GNB5: variants seen among roughly 807,000 people sequenced by gnomAD.
The protein encoded by GNB5 is guanine nucleotide-binding protein subunit beta-5.
GNB5 carries 37 observed loss-of-function variants against 55.3 expected under a neutral mutation model. The observed-to-expected ratio is 0.67, with a 90% CI of 0.51 to 0.88. GNB5 has a LOEUF of 0.88. Ranked by LOEUF, GNB5 falls within the 40% of genes least tolerant of loss-of-function variation. The pLI, the probability that GNB5 is intolerant of heterozygous loss-of-function variation, is 0.00. For missense variants in GNB5, 476 were observed against 515.3 expected (o/e 0.92, Z 0.74); for synonymous variants, 219 against 198.5 (o/e 1.10, Z -0.87).
chr15:52,126,504 T>C (rs2033435078), intron 10 of GNB5, among the ~76,000 whole-genome samples: 1 of 152,232 alleles, frequency 6.6e-6, no homozygotes, highest in Non-Finnish European at 1.5e-5. Flanking sequence ...CATTATTGCT[T>C]TTATTAACAT....
chr15:52,144,006 G>C (rs1449124475), intron 6 of GNB5: 6 of 152,246 alleles, frequency 3.9e-5, no homozygotes, highest in African/African-American at 1.4e-4. Flanking sequence ...CAGTGAGGCA[G>C]CCAGGAAAGG....
rs1020790484 is a variant in GNB5, at chr15:52,120,603, C to A, written c.*2154G>T. 6.7e-6 allele frequency: 1 copy of A among 149,062 alleles called. No individual in the cohort carries two copies. The highest frequency in any genetic ancestry group is 1.5e-5 in the Non-Finnish European group (1 of 67,826). 9.2% of individuals were successfully genotyped at this position (149,062 alleles called of 1,614,324 possible). A position where few individuals can be genotyped will look rare whatever the true frequency, so the allele number is the denominator to read the frequency against. ...CGTGCCTTCCTGCACTTCTGGGAGC[C>A]GGAAGGCACAGTGCAGAGACAAAAA... On this transcript the variant is annotated 3_prime_UTR_variant, in exon 13 of 13. Coordinates refer to ENST00000261837, the MANE Select transcript of GNB5 (RefSeq NM_016194.4).
At chr15:52,139,926 T>G (rs1295237533) in intron 7 of GNB5, 1 of 1,286,332 alleles carries the variant, frequency 7.8e-7, no homozygotes, top group Non-Finnish European at 1.0e-6. Flanking sequence ...CCCCTGAGCC[T>G]GCCTTCATCC....
intron 8 of GNB5, among the ~76,000 whole-genome samples, chr15:52,134,975 T>C (rs1377752145): frequency 6.6e-6 from 1 of 151,960 alleles, no homozygotes; most frequent in Non-Finnish European, 1.5e-5. Flanking sequence ...GGCCAACTTA[T>C]AGCGGATGCG....
intron 1 of GNB5, among the ~76,000 whole-genome samples, chr15:52,185,753 T>TTTATTA (rs9302164): frequency 0.11 from 14,696 of 136,468 alleles, 898 homozygotes; most frequent in Non-Finnish European, 0.14. Flanking sequence ...TATTCATCTT[T>TTTATTA]TTATTATTAT....
chr15:52,164,957 A>G lies in GNB5; in HGVS notation c.239-10881T>C, dbSNP rs543591566. On this transcript the variant is annotated intron_variant, in intron 3 of 12. Transcript: ENST00000261837. ...TCTAACCCAATGCAAAGAAGCTAAG[A>G]ATCATGATAAAACATTACAGGAGCT... Among the ~76,000 whole-genome samples, 10 of 152,330 alleles carry G rather than the reference A, an allele frequency of 6.6e-5. No individual in the cohort carries two copies. The South Asian group carries it at 1.9e-3, about 28-fold the overall frequency.
At chr15:52,179,928 T>A (rs1295044892) in intron 2 of GNB5, 49 bp from the exon 3 acceptor site, 2 of 1,452,952 alleles carry the variant, frequency 1.4e-6, no homozygotes, top group Non-Finnish European at 1.8e-6. Flanking sequence ...GGGAATGCGC[T>A]GAGCCGCGGC....
intron 3 of GNB5, among the ~76,000 whole-genome samples, chr15:52,175,548 G>A (rs949614758): frequency 1.3e-5 from 2 of 151,724 alleles, no homozygotes; most frequent in South Asian, 2.1e-4. Context: ...AGAACAGCCC[G>A]TCCAACATGG....
chr15:52,121,077 C>G lies in GNB5; in HGVS notation c.*1680G>C. 6.6e-6 allele frequency: 1 copy of G among 152,260 alleles called. No homozygotes were observed. The highest frequency in any genetic ancestry group is 1.9e-4 in the East Asian group (1 of 5,200). 9.4% of individuals were successfully genotyped at this position (152,260 alleles called of 1,614,324 possible). Reference sequence around the variant, plus strand: ...CACCCCTGGATGTTTACAGGAGCATCTGGTCCAGTCCTGTCTTATGGCTGT... The same window carrying G: ...CACCCCTGGATGTTTACAGGAGCATGTGGTCCAGTCCTGTCTTATGGCTGT... On this transcript the variant is annotated 3_prime_UTR_variant, in exon 13 of 13. Transcript: ENST00000261837.
chr15:52,162,689 T>C (rs942362274), intron 3 of GNB5: 1 of 152,100 alleles, frequency 6.6e-6, no homozygotes, highest in African/African-American at 2.4e-5. Flanking sequence ...TTAAAAAAAC[T>C]CATGTAGTCT....
In GNB5 at chr15:52,190,778, TAAAAAAAAAAAAAAAAAAAAAAAAAA is replaced by T. The variant is rs58614125; in HGVS notation, c.-19+518_-19+543del. Among the ~76,000 whole-genome samples, 64 of 96,908 alleles carry T rather than the reference TAAAAAAAAAAAAAAAAAAAAAAAAAA, an allele frequency of 6.6e-4. 2 individuals are homozygous for T. Among genetic ancestry groups the T allele is most frequent in the African/African-American group, 2.7e-3 (62 of 22,726 alleles). The allele number at this position is 96,908 out of a possible 152,430, so 63.6% of individuals were successfully genotyped here. A position where few individuals can be genotyped will look rare whatever the true frequency, so the allele number is the denominator to read the frequency against. ...CCACAGAAAATAATGCTTATTTCCT[TAAAAAAAAAAAAAAAAAAAAAAAAAA>T]AAAAAAAAAAAAAACATAAATGTCA... On this transcript the variant is annotated intron_variant, in intron 1 of 12. Coordinates refer to ENST00000261837, the MANE Select transcript of GNB5 (RefSeq NM_016194.4).
chr15:52,134,601 T>C (rs1007778909), intron 8 of GNB5, among the ~76,000 whole-genome samples: 1 of 151,988 alleles, frequency 6.6e-6, no homozygotes, highest in Non-Finnish European at 1.5e-5. Context: ...AGGCACAGGG[T>C]TGAAACATCT....
chr15:52,140,043 A>G (rs2033816598), intron 7 of GNB5: 2 of 1,041,952 alleles, frequency 1.9e-6, no homozygotes, highest in South Asian at 1.8e-5. Context: ...ACAAGTCTGC[A>G]AGATTCCTGG....
chr15:52,175,815 C>CTGAGG (rs1596105593), intron 3 of GNB5, among the ~76,000 whole-genome samples: 2 of 151,636 alleles, frequency 1.3e-5, no homozygotes, highest in East Asian at 3.9e-4. Flanking sequence ...CTTTGGGAGG[C>CTGAGG]CAAGGTGGAC....
chr15:52,181,761 G>A (rs939742346), intron 2 of GNB5, among the ~76,000 whole-genome samples: 1 of 152,094 alleles, frequency 6.6e-6, no homozygotes, highest in Non-Finnish European at 1.5e-5. Context: ...TTTACTTGTC[G>A]CTGTTCCTTA....
At chr15:52,165,729 C>A (rs1432321588) in intron 3 of GNB5, among the ~76,000 whole-genome samples, 5 of 148,788 alleles carry the variant, frequency 3.4e-5, no homozygotes, top group African/African-American at 1.2e-4. Flanking sequence ...AAACTGTTAC[C>A]AGCTACTACC....
chr15:52,134,539 T>A (rs2033653827), intron 8 of GNB5, among the ~76,000 whole-genome samples: 1 of 152,210 alleles, frequency 6.6e-6, no homozygotes, highest in Non-Finnish European at 1.5e-5. Context: ...GTAATAGCAG[T>A]AATTTTTTAA....
At chr15:52,170,522 G>A (rs1596100729) in intron 3 of GNB5, among the ~76,000 whole-genome samples, 2 of 152,128 alleles carry the variant, frequency 1.3e-5, no homozygotes, top group South Asian at 2.1e-4. Context: ...TGGACACATC[G>A]GGGGAACAAC....
chr15:52,154,012 G>C lies in GNB5; in HGVS notation c.303C>G (p.Leu101=). ...GQFVMKTRRT[L]KGHGNKVLCM... is the part of the protein sequence containing the mutation. ...ACAGGACTTTGTTCCCGTGGCCTTT[G>C]AGGGTCCTTCTGGTCTTCATGACAA... Residue 101 remains leucine, a synonymous_variant, in exon 4 of 13, where the codon CTC becomes CTG. Coordinates refer to ENST00000261837, the MANE Select transcript of GNB5 (RefSeq NM_016194.4). 1 of 1,614,068 alleles carries C rather than the reference G, an allele frequency of 6.2e-7. No homozygotes were observed. The highest frequency in any genetic ancestry group is 1.1e-5 in the South Asian group (1 of 91,086).
Sources: allele counts gnomAD v4.1 joint callset (sites outside exome capture counted in the v4.1 genomes callset), GRCh38; gene constraint gnomAD v4.1.1; transcripts MANE v1.5; gene names NCBI Gene and HGNC (gene_info 2026-07-23, HGNC 2026-07-21).